TSPAN4: variants seen among roughly 807,000 people sequenced by gnomAD.
TSPAN4 encodes the protein tetraspanin-4.
A neutral mutation model predicts 31.5 loss-of-function variants in TSPAN4; 38 were observed. That is an observed-to-expected ratio of 1.21 (90% CI 0.93 to 1.58). The LOEUF (loss-of-function observed/expected upper bound fraction) is 1.58. Ranked by LOEUF, TSPAN4 falls within the 40% of genes most tolerant of loss-of-function variation. The pLI is 0.00. For missense variants in TSPAN4, 330 were observed against 317.3 expected (o/e 1.04, Z -0.30); for synonymous variants, 186 against 144.6 (o/e 1.29, Z -2.06).
intron 1 of TSPAN4, among the ~76,000 whole-genome samples, chr11:846,641 G>T (rs1358263674): frequency 9.9e-5 from 15 of 152,220 alleles, no homozygotes; most frequent in African/African-American, 3.6e-4. Context: ...GGCACCCATG[G>T]TGGAGGAGGG....
chr11:855,555 G>A (rs1847999030), intron 3 of TSPAN4, among the ~76,000 whole-genome samples: 1 of 152,170 alleles, frequency 6.6e-6, no homozygotes, highest in African/African-American at 2.4e-5. Flanking sequence ...CTGGCCTCAG[G>A]GTGGGCCTTG....
At chr11:861,098 G>T (rs12792188) in intron 3 of TSPAN4, among the ~76,000 whole-genome samples, 26 of 152,016 alleles carry the variant, frequency 1.7e-4, no homozygotes, top group Non-Finnish European at 2.9e-5. Flanking sequence ...CTTCCCTTGA[G>T]GCCTTGCTGG....
At chr11:852,070 G>T (rs1847780210) in intron 3 of TSPAN4, among the ~76,000 whole-genome samples, 1 of 152,160 alleles carries the variant, frequency 6.6e-6, no homozygotes. Context: ...ACCTGGGAAA[G>T]AACACACAAG....
rs373853706 is a variant in TSPAN4 at position 860,466 on chromosome 11, C to T, written c.64-2084C>T. 5.5e-4 allele frequency among the ~76,000 whole-genome samples: 84 copies of T among 152,348 alleles called. 1 individual carries two copies. Among genetic ancestry groups the T allele is most frequent in the African/African-American group, 1.9e-3 (80 of 41,592 alleles). On this transcript the variant is annotated intron_variant, in intron 3 of 8. Coordinates refer to ENST00000397397, the MANE Select transcript of TSPAN4 (RefSeq NM_003271.5). ...CACTGCTCAGGGAGGGGCAGGTGAG[C>T]GTGCACACGAGGAGGGGGCATCTCC... is the stretch of plus-strand genomic sequence containing the variant.
intron 4 of TSPAN4, chr11:863,672 A>G (rs1206945239): frequency 2.6e-5 from 4 of 152,446 alleles, no homozygotes; most frequent in Admixed American, 6.5e-5. Flanking sequence ...ACTTGGGACC[A>G]GAACCCTGGG....
intron 3 of TSPAN4, among the ~76,000 whole-genome samples, chr11:851,581 T>C (rs2134004906): frequency 6.6e-6 from 1 of 152,216 alleles, no homozygotes; most frequent in South Asian, 2.1e-4. Flanking sequence ...AAGGAGGCTC[T>C]TGGCCCAGAC....
chr11:866,480 C>A, intron 8 of TSPAN4, 82 bp from the exon 9 acceptor site: 2 of 1,359,944 alleles, frequency 1.5e-6, no homozygotes, highest in Non-Finnish European at 1.0e-6. Context: ...GGCCAGGGCA[C>A]CTGCTGAGGA....
chr11:849,658 G>A (rs1847517533), intron 2 of TSPAN4, among the ~76,000 whole-genome samples: 3 of 151,930 alleles, frequency 2.0e-5, no homozygotes, highest in Admixed American at 6.5e-5. Context: ...CGGCGCGGGC[G>A]AAGGGGCCGG....
intron 1 of TSPAN4, among the ~76,000 whole-genome samples, chr11:845,639 G>A (rs1186260313): frequency 2.6e-5 from 4 of 152,094 alleles, no homozygotes; most frequent in Non-Finnish European, 5.9e-5. Flanking sequence ...CCTGGAGCCT[G>A]GGGGGTGTGG....
intron 3 of TSPAN4, among the ~76,000 whole-genome samples, chr11:856,448 G>A (rs1260123921): frequency 6.6e-6 from 1 of 152,234 alleles, no homozygotes; most frequent in African/African-American, 2.4e-5. Flanking sequence ...GGTCTGGGAC[G>A]GAGCCCCTCT....
At chr11:857,107 C>T (rs548003712) in intron 3 of TSPAN4, 1 of 152,318 alleles carries the variant, frequency 6.6e-6, no homozygotes, top group Non-Finnish European at 1.5e-5. Flanking sequence ...CCTGCCGTCT[C>T]CGGTGGAGGT....
At chr11:846,091 C>T (rs773010227) in intron 1 of TSPAN4, among the ~76,000 whole-genome samples, 2 of 152,092 alleles carry the variant, frequency 1.3e-5, no homozygotes, top group African/African-American at 4.8e-5. Context: ...CCTCAGAGCC[C>T]GTGGGCCTGG....
chr11:862,791 G>A (rs1450368840), intron 4 of TSPAN4, 50 bp downstream of exon 4: 1 of 1,522,096 alleles, frequency 6.6e-7, no homozygotes, highest in African/African-American at 1.4e-5. Context: ...CGCAGGGTGG[G>A]GCTCCGGTGG....
At chr11:859,137 TGGG>T (rs1848260984) in intron 3 of TSPAN4, among the ~76,000 whole-genome samples, 1 of 45,830 alleles carries the variant, frequency 2.2e-5, no homozygotes, top group Non-Finnish European at 4.2e-5. Flanking sequence ...CACGCACCCC[TGGG>T]CTCACATGCA....
intron 4 of TSPAN4, chr11:863,469 C>T (rs1231091731): frequency 2.0e-5 from 3 of 152,410 alleles, no homozygotes; most frequent in African/African-American, 7.2e-5. Context: ...CCCTCCGTAC[C>T]CCTTCCTGGG....
chr11:848,901 C>G lies in TSPAN4; in HGVS notation c.-17-1387C>G, dbSNP rs549770575. On this transcript the variant is annotated intron_variant, in intron 2 of 8. Transcript: ENST00000397397. The surrounding 1 kb of genome is among the most constrained non-coding windows in gnomAD (Gnocchi z 5.7). The stretch of plus-strand genomic sequence containing the variant: ...GTGTGCGCATCCGGCGTGATGACAC[C>G]CAGGAGTGCAGGCACATCTGCGCAC... The G allele has an allele frequency of 8.4e-6, 6 of 713,946 alleles. No homozygotes were observed. Among genetic ancestry groups the G allele is most frequent in the Non-Finnish European group, 1.3e-5 (5 of 383,372 alleles). 44.2% of individuals were successfully genotyped at this position (713,946 alleles called of 1,614,324 possible). A position where few individuals can be genotyped will look rare whatever the true frequency, so the allele number is the denominator to read the frequency against.
intron 1 of TSPAN4, among the ~76,000 whole-genome samples, chr11:845,476 C>T (rs1416006410): frequency 1.3e-5 from 2 of 152,164 alleles, no homozygotes; most frequent in African/African-American, 4.8e-5. Context: ...AGCCTCACCA[C>T]TCATATGTCG....
rs1379400842 is a variant in TSPAN4, at chr11:862,583, T to C, written c.97T>C (p.Trp33Arg). 6.2e-7 allele frequency: 1 copy of C among 1,611,626 alleles called. No homozygotes were observed. The highest frequency in any genetic ancestry group is 8.5e-7 in the Non-Finnish European group (1 of 1,179,352). Residue 33 changes from tryptophan (W) to arginine (R), a missense_variant, in exon 4 of 9, where the codon TGG becomes CGG. Physicochemically the swap from Trp to Arg is moderately radical, Grantham distance 101. Coordinates refer to ENST00000397397, the MANE Select transcript of TSPAN4 (RefSeq NM_003271.5). ...CTGTGGCGTGCTGGGTGTCGGCATC[T>C]GGCTGGCCGCCACACAGGGGAGCTT... ...GGCGVLGVGI[W>R]LAATQGSFAT...
intron 4 of TSPAN4, 90 bp downstream of exon 4, chr11:862,831 C>A: frequency 7.4e-7 from 1 of 1,359,722 alleles, no homozygotes; most frequent in Non-Finnish European, 9.8e-7. Context: ...GCAGTGACCC[C>A]CCAGACGTGG....
Sources: allele counts gnomAD v4.1 joint callset (sites outside exome capture counted in the v4.1 genomes callset), GRCh38; gene constraint gnomAD v4.1.1; non-coding constraint Gnocchi (gnomAD v3.1); transcripts MANE v1.5; gene names NCBI Gene and HGNC (gene_info 2026-07-23, HGNC 2026-07-21).